The following OTUD7A variants were observed in gnomAD, a reference collection of about 807,000 sequenced individuals.
OTUD7A encodes OTU domain-containing protein 7A.
Under a neutral mutation model 65.7 loss-of-function variants are expected in OTUD7A, and 12 were observed. That is an observed-to-expected ratio of 0.18 (90% CI 0.12 to 0.30). The LOEUF is 0.30. Among genes scored for constraint, OTUD7A ranks in the 10% least tolerant of loss-of-function variants. The probability of loss-of-function intolerance (pLI) is 1.00; values close to 1 mark genes in which losing one functional copy is unlikely to be tolerated. For missense variants in OTUD7A, 1,148 were observed against 1,304.8 expected (o/e 0.88, Z 1.85); for synonymous variants, 641 against 586.3 (o/e 1.09, Z -1.35).
At chr15:31,746,052 G>A (rs1894467195) in intron 1 of OTUD7A, among the ~76,000 whole-genome samples, 1 of 152,166 alleles carries the variant, frequency 6.6e-6, no homozygotes, top group Non-Finnish European at 1.5e-5. Context: ...GACAAGGATG[G>A]GGAGCATCTG....
chr15:31,685,566 G>C (rs1892818050), intron 1 of OTUD7A, among the ~76,000 whole-genome samples: 1 of 152,182 alleles, frequency 6.6e-6, no homozygotes, highest in Admixed American at 6.5e-5. Context: ...GGCTGAGGCA[G>C]GAAAATGGTG....
Position 31,787,114 on chromosome 15 carries a change from T to C in OTUD7A, c.-100+83393A>G, listed in dbSNP as rs78311769. Among the ~76,000 whole-genome samples the C allele has an allele frequency of 7.9e-3, 1,203 of 152,302 alleles. 17 individuals carry two copies. Among genetic ancestry groups the C allele is most frequent in the African/African-American group, 0.028 (1,156 of 41,564 alleles). On this transcript the variant is annotated intron_variant, in intron 1 of 12. Transcript: ENST00000307050. ...CTGTTTGAACCTGCTCCAGAAATGT[T>C]GTACCAGGATGTGATGATGGAGAAC...
chr15:31,630,512 C>G, intron 3 of OTUD7A, among the ~76,000 whole-genome samples: 1 of 152,062 alleles, frequency 6.6e-6, no homozygotes, highest in Non-Finnish European at 1.5e-5. Context: ...TTACTTCCAA[C>G]TATGTGGTCA....
chr15:31,640,833 T>A (rs530598959), intron 3 of OTUD7A, among the ~76,000 whole-genome samples: 2 of 152,310 alleles, frequency 1.3e-5, no homozygotes, highest in South Asian at 4.2e-4. Flanking sequence ...TACCCCTTTG[T>A]GCATATGTGT....
intron 5 of OTUD7A, among the ~76,000 whole-genome samples, chr15:31,552,731 C>G (rs538474148): frequency 6.6e-6 from 1 of 152,254 alleles, no homozygotes; most frequent in Non-Finnish European, 1.5e-5. Context: ...GGTTGCCCAA[C>G]GCTGCACCTG....
chr15:31,798,712 C>A (rs193065573), intron 1 of OTUD7A, among the ~76,000 whole-genome samples: 3 of 152,262 alleles, frequency 2.0e-5, no homozygotes, highest in African/African-American at 7.2e-5. Flanking sequence ...GACAGCTGAC[C>A]CTTATAACAG....
In OTUD7A at chr15:31,779,240, A is replaced by G. The variant is rs375790848; in HGVS notation, c.-100+91267T>C. ...TGGGTTCCATTTCCTTTATGGCACTATCACCCAAAACAAAAACTGGGCTCA... is the reference window on the plus strand; with the variant it reads ...TGGGTTCCATTTCCTTTATGGCACTGTCACCCAAAACAAAAACTGGGCTCA... On this transcript the variant is annotated intron_variant, in intron 1 of 12. Coordinates refer to ENST00000307050, the MANE Select transcript of OTUD7A (RefSeq NM_001382637.1). Among the ~76,000 whole-genome samples the G allele has an allele frequency of 1.3e-4, 20 of 152,250 alleles. No individual in the cohort carries two copies. The South Asian group carries it at 3.5e-3, about 27-fold the overall frequency.
intron 10 of OTUD7A, among the ~76,000 whole-genome samples, chr15:31,490,790 G>A (rs938678210): frequency 2.6e-5 from 4 of 152,218 alleles, no homozygotes; most frequent in African/African-American, 9.7e-5. Context: ...TTCTAAGAGA[G>A]TGTCTCCATA....
At chr15:31,594,453 A>G (rs765198177) in intron 3 of OTUD7A, among the ~76,000 whole-genome samples, 3 of 152,168 alleles carry the variant, frequency 2.0e-5, no homozygotes, top group Non-Finnish European at 4.4e-5. Context: ...TTTACCAGGA[A>G]GTCCACTCGC....
intron 3 of OTUD7A, among the ~76,000 whole-genome samples, chr15:31,641,093 G>A (rs945632448): frequency 1.3e-5 from 2 of 152,148 alleles, no homozygotes; most frequent in African/African-American, 4.8e-5. Flanking sequence ...GTGGGTGGAG[G>A]TCATTGGATC....
At chr15:31,734,939 AAACACCAACAGAGTAAAC>A (rs1385414409) in intron 1 of OTUD7A, among the ~76,000 whole-genome samples, 1 of 152,200 alleles carries the variant, frequency 6.6e-6, no homozygotes, top group African/African-American at 2.4e-5. Flanking sequence ...ACAGCAAAAG[AAACACCAACAGAGTAAAC>A]AGACAACCTA....
At chr15:31,631,692 T>C (rs1891161648) in intron 3 of OTUD7A, among the ~76,000 whole-genome samples, 1 of 152,224 alleles carries the variant, frequency 6.6e-6, no homozygotes, top group Non-Finnish European at 1.5e-5. Flanking sequence ...GTTTTCCAAC[T>C]TGGTTCCATT....
chr15:31,589,943 G>GA (rs921501193), intron 3 of OTUD7A, among the ~76,000 whole-genome samples: 1 of 151,896 alleles, frequency 6.6e-6, no homozygotes, highest in Non-Finnish European at 1.5e-5. Context: ...ATAATTTTGG[G>GA]AAAAAAACCT....
intron 10 of OTUD7A, among the ~76,000 whole-genome samples, chr15:31,489,538 A>G (rs1240926575): frequency 1.3e-5 from 2 of 152,108 alleles, no homozygotes; most frequent in African/African-American, 4.8e-5. Context: ...AGTGGCATCC[A>G]TGGTCTGTGG....
At chr15:31,518,683 G>T (rs141717806) in intron 8 of OTUD7A, among the ~76,000 whole-genome samples, 1 of 152,318 alleles carries the variant, frequency 6.6e-6, no homozygotes, top group East Asian at 1.9e-4. Flanking sequence ...CAGGTGCAAG[G>T]TTCTCCTCAT....
intron 1 of OTUD7A, among the ~76,000 whole-genome samples, chr15:31,821,133 CTTTT>C (rs35732957): frequency 1.0e-5 from 1 of 97,466 alleles, no homozygotes; most frequent in Non-Finnish European, 2.0e-5. Context: ...TTTTTCATTT[CTTTT>C]TTTTTTTTTT....
At chr15:31,494,325 C>T (rs183292198) in intron 10 of OTUD7A, among the ~76,000 whole-genome samples, 1 of 152,324 alleles carries the variant, frequency 6.6e-6, no homozygotes, top group East Asian at 1.9e-4. Flanking sequence ...CTTTCTCTCT[C>T]TTGGCCACGT....
chr15:31,632,073 CCTT>C (rs1388497897), intron 3 of OTUD7A, among the ~76,000 whole-genome samples: 3 of 152,174 alleles, frequency 2.0e-5, no homozygotes, highest in African/African-American at 4.8e-5. Flanking sequence ...TCGTCTGAAG[CCTT>C]CTTCTCTCAG....
intron 3 of OTUD7A, among the ~76,000 whole-genome samples, chr15:31,571,444 C>T (rs1300259870): frequency 6.6e-6 from 1 of 152,158 alleles, no homozygotes; most frequent in African/African-American, 2.4e-5. Flanking sequence ...GAATGCAACC[C>T]AGAAGAACAG....
Sources: allele counts gnomAD v4.1 joint callset (sites outside exome capture counted in the v4.1 genomes callset), GRCh38; gene constraint gnomAD v4.1.1; transcripts MANE v1.5; gene names NCBI Gene and HGNC (gene_info 2026-07-23, HGNC 2026-07-21).